Variants in LRP8 observed in about 807,000 individuals in gnomAD.
LRP8 encodes the protein low-density lipoprotein receptor-related protein 8.
A neutral mutation model predicts 111.6 loss-of-function variants in LRP8; 46 were observed. The ratio of observed to expected loss-of-function variants is 0.41; its 90% CI spans 0.33 to 0.53. The LOEUF is 0.53. Ranked by LOEUF, LRP8 falls within the 20% of genes least tolerant of loss-of-function variation. The pLI is 0.20. For missense variants in LRP8, 959 were observed against 1,297.4 expected, an observed-to-expected ratio of 0.74 and a Z score of 4.01; for synonymous variants, 464 against 511.2, an observed-to-expected ratio of 0.91 and a Z score of 1.24.
intron 2 of LRP8, chr1:53,307,496 G>A (rs1652204414): frequency 6.6e-6 from 1 of 152,270 alleles, no homozygotes; most frequent in Non-Finnish European, 1.5e-5. Context: ...TCAGGCACAT[G>A]CACACAGCGC....
chr1:53,253,301 TAAAC>T (rs1645958765), intron 16 of LRP8, among the ~76,000 whole-genome samples: 2 of 152,164 alleles, frequency 1.3e-5, no homozygotes, highest in East Asian at 1.9e-4. Flanking sequence ...AAAGATACCA[TAAAC>T]AAACTTTAAA....
chr1:53,298,871 G>A (rs1270560985), intron 2 of LRP8, among the ~76,000 whole-genome samples: 1 of 152,226 alleles, frequency 6.6e-6, no homozygotes, highest in East Asian at 1.9e-4. Context: ...GGAAGGAGGG[G>A]CAGCTCTTCC....
intron 2 of LRP8, among the ~76,000 whole-genome samples, chr1:53,297,794 C>T (rs1252228162): frequency 6.6e-6 from 1 of 152,176 alleles, no homozygotes; most frequent in Non-Finnish European, 1.5e-5. Flanking sequence ...AAGCCAGATC[C>T]TAAGACCATA....
chr1:53,299,900 G>C (rs192213966), intron 2 of LRP8, among the ~76,000 whole-genome samples: 127 of 152,338 alleles, frequency 8.3e-4, no homozygotes, highest in African/African-American at 3.0e-3. Flanking sequence ...CTCCTTTTTA[G>C]GTATGGTTTT....
At chr1:53,321,326 T>G (rs1039880337) in intron 2 of LRP8, among the ~76,000 whole-genome samples, 3 of 152,014 alleles carry the variant, frequency 2.0e-5, no homozygotes, top group Non-Finnish European at 4.4e-5. Flanking sequence ...TGTGGGCATT[T>G]GGGGGGCAGG....
intron 2 of LRP8, among the ~76,000 whole-genome samples, chr1:53,300,621 A>C (rs1650633072): frequency 6.6e-6 from 1 of 152,186 alleles, no homozygotes. Flanking sequence ...ACCAGACCGG[A>C]CTAGGCTCAG....
Position 53,257,550 on chromosome 1 carries a change from C to T in LRP8, c.2210-86G>A, listed in dbSNP as rs13306536. 1,272 of 1,009,024 alleles carry T rather than the reference C, an allele frequency of 1.3e-3. 38 individuals carry two copies. In the East Asian group the frequency reaches 0.032, roughly 26 times the overall value. The allele number at this position is 1,009,024 out of a possible 1,614,324, so 62.5% of individuals were successfully genotyped here. Reference sequence around the variant, plus strand: ...CTCTGAGATATACTTAGGAACTTATCTTCATGGCGTAGCTCAAATGCCACT... The same window carrying T: ...CTCTGAGATATACTTAGGAACTTATTTTCATGGCGTAGCTCAAATGCCACT... On this transcript the variant is annotated intron_variant, in intron 14 of 18. Coordinates refer to ENST00000306052, the MANE Select transcript of LRP8 (RefSeq NM_004631.5).
chr1:53,258,494 C>T, intron 13 of LRP8, 23 bp from the exon 14 acceptor site: 1 of 1,611,758 alleles, frequency 6.2e-7, no homozygotes, highest in Non-Finnish European at 8.5e-7. Flanking sequence ...AGGGAGACAG[C>T]TGGGGCACAG....
intron 6 of LRP8, 92 bp from the exon 7 acceptor site, chr1:53,271,438 G>A (rs1646758053): frequency 6.9e-7 from 1 of 1,450,460 alleles, no homozygotes; most frequent in Non-Finnish European, 9.5e-7. Context: ...CAGAGCCTCA[G>A]GGCAGTGGGA....
chr1:53,298,019 G>C (rs905666815), intron 2 of LRP8, among the ~76,000 whole-genome samples: 12 of 152,154 alleles, frequency 7.9e-5, no homozygotes, highest in African/African-American at 1.2e-4. Context: ...ATCTCTAAGG[G>C]CCCCCTCCAG....
At chr1:53,255,782 A>G (rs1646064726) in intron 15 of LRP8, among the ~76,000 whole-genome samples, 1 of 152,226 alleles carries the variant, frequency 6.6e-6, no homozygotes, top group Non-Finnish European at 1.5e-5. Flanking sequence ...ATTATTATAT[A>G]TTATAAATAC....
chr1:53,314,498 G>C (rs745522895), intron 2 of LRP8, among the ~76,000 whole-genome samples: 3 of 152,204 alleles, frequency 2.0e-5, no homozygotes, highest in Non-Finnish European at 4.4e-5. Flanking sequence ...AGGTAGGAAG[G>C]GACATGGGGC....
At chr1:53,322,153 C>T (rs1572700719) in intron 2 of LRP8, among the ~76,000 whole-genome samples, 1 of 152,232 alleles carries the variant, frequency 6.6e-6, no homozygotes, top group East Asian at 1.9e-4. Flanking sequence ...TGAACACCTC[C>T]TGCTTACCAG....
chr1:53,280,798 C>G, intron 3 of LRP8, 83 bp from the exon 4 acceptor site: 1 of 1,554,908 alleles, frequency 6.4e-7, no homozygotes, highest in Non-Finnish European at 8.7e-7. Flanking sequence ...CCTGTTCCAG[C>G]CATCTGGTCC....
chr1:53,321,641 C>G (rs1220410981), intron 2 of LRP8, among the ~76,000 whole-genome samples: 1 of 152,202 alleles, frequency 6.6e-6, no homozygotes, highest in African/African-American at 2.4e-5. Flanking sequence ...CAGCAGACAA[C>G]TGGGGAGGAA....
intron 2 of LRP8, among the ~76,000 whole-genome samples, chr1:53,305,625 A>G (rs1160840027): frequency 6.6e-6 from 1 of 152,246 alleles, no homozygotes; most frequent in East Asian, 1.9e-4. Context: ...CTACTTCAGA[A>G]GCCTCGTCCC....
chr1:53,250,636 G>T lies in LRP8; in HGVS notation c.2676+54C>A. 6.7e-7 allele frequency: 1 copy of T among 1,503,290 alleles called. No homozygotes were observed. The highest frequency in any genetic ancestry group is 9.2e-7 in the Non-Finnish European group (1 of 1,087,302). 93.1% of individuals were successfully genotyped at this position (1,503,290 alleles called of 1,614,324 possible). ...AAGAAAGGATGGGAGGGGAAGAAAGGATGGAAGGGAAGATGGTCGGAAGGT... is the reference window on the plus strand; with the variant it reads ...AAGAAAGGATGGGAGGGGAAGAAAGTATGGAAGGGAAGATGGTCGGAAGGT... On this transcript the variant is annotated intron_variant, in intron 17 of 18. Transcript: ENST00000306052. The surrounding 1 kb of genome is among the most constrained non-coding windows in gnomAD (Gnocchi z 4.6).
chr1:53,258,385 G>A lies in LRP8; in HGVS notation c.2143C>T (p.Pro715Ser). The A allele has an allele frequency of 6.2e-7, 1 of 1,614,160 alleles. No homozygotes were observed. ...LPAPQISSHS[P>S]KYTCACPDTM... is the part of the protein sequence containing the mutation. ...TCAGGACAGGCACATGTGTACTTGG[G>A]AGAGTGGCTGGAGATCTGAGGAGCA... is the stretch of plus-strand genomic sequence containing the variant. Residue 715 changes from proline (P) to serine (S), a missense_variant, in exon 14 of 19, where the codon CCC becomes TCC. By Grantham distance (74) the Pro-to-Ser change is moderately conservative (BLOSUM62 -1). Coordinates refer to ENST00000306052, the MANE Select transcript of LRP8 (RefSeq NM_004631.5).
At chr1:53,322,464 T>C (rs921739368) in intron 2 of LRP8, among the ~76,000 whole-genome samples, 12 of 151,982 alleles carry the variant, frequency 7.9e-5, no homozygotes, top group African/African-American at 2.9e-4. Flanking sequence ...CACAAAGGCC[T>C]GGAGGTGAGA....
Sources: allele counts gnomAD v4.1 joint callset (sites outside exome capture counted in the v4.1 genomes callset), GRCh38; gene constraint gnomAD v4.1.1; non-coding constraint Gnocchi (gnomAD v3.1); transcripts MANE v1.5; gene names NCBI Gene and HGNC (gene_info 2026-07-23, HGNC 2026-07-21).